Variants in CDH13 observed in about 807,000 individuals in gnomAD.
CDH13 encodes the protein cadherin 13.
In CDH13, 24 loss-of-function variants were observed where a neutral mutation model predicts 63.8. The ratio of observed to expected loss-of-function variants is 0.38; its 90% CI spans 0.27 to 0.53. CDH13 has a LOEUF of 0.53. CDH13 is among the 20% of genes least tolerant of loss of function. The pLI, the probability that CDH13 is intolerant of heterozygous loss-of-function variation, is 0.85. For synonymous variants in CDH13, 503 were observed against 355.3 expected (o/e 1.42, Z -4.67); for missense variants, 1,049 against 903.1 (o/e 1.16, Z -2.07).
intron 6 of CDH13, among the ~76,000 whole-genome samples, chr16:83,444,812 G>T (rs2072619896): frequency 1.3e-5 from 2 of 152,252 alleles, no homozygotes; most frequent in Non-Finnish European, 2.9e-5. Flanking sequence ...ATATTCTCAT[G>T]GTTGGTTTTG....
intron 4 of CDH13, among the ~76,000 whole-genome samples, chr16:83,155,267 G>T (rs1410387432): frequency 6.6e-6 from 1 of 150,974 alleles, no homozygotes; most frequent in African/African-American, 2.4e-5. Context: ...AGGTAGAAGA[G>T]TCATGTTCTA....
At chr16:83,274,127 C>A (rs2088911145) in intron 5 of CDH13, among the ~76,000 whole-genome samples, 1 of 152,176 alleles carries the variant, frequency 6.6e-6, no homozygotes, top group South Asian at 2.1e-4. Flanking sequence ...TCCTCCATCC[C>A]AACACCAAGG....
chr16:83,380,988 A>G (rs1265418977), intron 6 of CDH13, among the ~76,000 whole-genome samples: 10 of 151,974 alleles, frequency 6.6e-5, no homozygotes, highest in East Asian at 3.9e-4. Context: ...CTTCTTGTCT[A>G]TGTTTCTATA....
chr16:82,848,358 T>G (rs1449824668), intron 1 of CDH13, among the ~76,000 whole-genome samples: 2 of 152,220 alleles, frequency 1.3e-5, no homozygotes, highest in East Asian at 3.8e-4. Context: ...TAGTTGGGTA[T>G]GACAAGAATA....
chr16:83,241,495 C>G (rs142903443), intron 5 of CDH13, among the ~76,000 whole-genome samples: 1 of 152,264 alleles, frequency 6.6e-6, no homozygotes, highest in African/African-American at 2.4e-5. Flanking sequence ...AATACTTACT[C>G]TTTCTGTTTA....
At position 83,139,979 on chromosome 16, in the gene CDH13, G is replaced by A. The variant is rs553044768; in HGVS notation, c.483+14478G>A. Among the ~76,000 whole-genome samples the A allele has an allele frequency of 8.5e-4, 130 of 152,300 alleles. 1 individual carries two copies. Among genetic ancestry groups the A allele is most frequent in the African/African-American group, 3.1e-3 (127 of 41,570 alleles). Reference sequence around the variant, plus strand: ...ATCATACCATTACACTCCAGCCTGGGCAACAAGAGCAAAACTCCATCTATA... The same window carrying A: ...ATCATACCATTACACTCCAGCCTGGACAACAAGAGCAAAACTCCATCTATA... On this transcript the variant is annotated intron_variant, in intron 4 of 13. Coordinates refer to ENST00000567109, the MANE Select transcript of CDH13 (RefSeq NM_001257.5).
intron 13 of CDH13, among the ~76,000 whole-genome samples, chr16:83,787,804 G>A (rs13336361): frequency 0.024 from 3,587 of 152,200 alleles, 64 homozygotes; most frequent in Non-Finnish European, 0.039. Context: ...TTAGCCAGGC[G>A]TGGTGGCAAG....
rs1158270310 is a variant in CDH13, at chr16:83,216,397, AATATATATATATAT to A, written c.484-914_484-901del. Among the ~76,000 whole-genome samples the A allele has an allele frequency of 2.9e-3, 47 of 16,106 alleles. 2 individuals are homozygous for A. The highest frequency in any genetic ancestry group is 4.8e-3 in the African/African-American group (36 of 7,478). The allele number at this position is 16,106 out of a possible 152,430, so 10.6% of individuals were successfully genotyped here. Reference sequence around the variant, plus strand: ...TAATGTCCTCTGCCTCCAGCATTGAAATATATATATATATATATATATATATATATATATATATA... The same window carrying A: ...TAATGTCCTCTGCCTCCAGCATTGAAATATATATATATATATATATATATA... On this transcript the variant is annotated intron_variant, in intron 4 of 13. Transcript: ENST00000567109.
At chr16:83,066,230 G>A (rs544241188) in intron 3 of CDH13, among the ~76,000 whole-genome samples, 1 of 152,314 alleles carries the variant, frequency 6.6e-6, no homozygotes, top group South Asian at 2.1e-4. Flanking sequence ...CTCAACAAGT[G>A]ACTAAGCTCT....
intron 4 of CDH13, among the ~76,000 whole-genome samples, chr16:83,174,788 C>T (rs1423436308): frequency 6.6e-6 from 1 of 152,050 alleles, no homozygotes; most frequent in Non-Finnish European, 1.5e-5. Context: ...ACTTAACAAT[C>T]ATGGCAGAAT....
At chr16:83,550,132 T>C (rs543445454) in intron 7 of CDH13, among the ~76,000 whole-genome samples, 1 of 152,336 alleles carries the variant, frequency 6.6e-6, no homozygotes, top group Admixed American at 6.5e-5. Flanking sequence ...CAGGATGCAC[T>C]TTGCCAGGGG....
intron 1 of CDH13, among the ~76,000 whole-genome samples, chr16:82,842,147 T>TGTATATATATATATATATATAC (rs2039056857): frequency 4.7e-5 from 1 of 21,424 alleles, no homozygotes; most frequent in African/African-American, 1.2e-4. Flanking sequence ...TACACATATA[T>TGTATATATATATATATATATAC]ATATATATAT....
chr16:83,567,744 CGCCACCACGCCCG>C (rs955216838), intron 7 of CDH13, among the ~76,000 whole-genome samples: 12 of 152,148 alleles, frequency 7.9e-5, no homozygotes, highest in African/African-American at 2.4e-4. Context: ...TACAGGCGCC[CGCCACCACGCCCG>C]GCTAATTTTT....
chr16:83,126,561 G>T (rs775063945), intron 4 of CDH13, among the ~76,000 whole-genome samples: 1 of 152,184 alleles, frequency 6.6e-6, no homozygotes, highest in Non-Finnish European at 1.5e-5. Flanking sequence ...ATAAGAAAGA[G>T]ATGTGAGTCA....
intron 1 of CDH13, among the ~76,000 whole-genome samples, chr16:82,776,685 G>A (rs569208500): frequency 5.3e-5 from 8 of 152,300 alleles, no homozygotes; most frequent in Admixed American, 5.2e-4. Flanking sequence ...TTGACTGTGG[G>A]TTCGGTTTTC....
intron 4 of CDH13, among the ~76,000 whole-genome samples, chr16:83,209,354 C>T (rs4597305): frequency 0.9 from 137,044 of 152,124 alleles, 62,519 homozygotes; most frequent in East Asian, 0.97. Flanking sequence ...TCGGCCACTC[C>T]CAGATTTCCT....
intron 4 of CDH13, among the ~76,000 whole-genome samples, chr16:83,162,394 T>C (rs1000621569): frequency 2.6e-5 from 4 of 152,188 alleles, no homozygotes; most frequent in East Asian, 3.9e-4. Flanking sequence ...GACCATTTTA[T>C]TGTAGACATT....
intron 1 of CDH13, among the ~76,000 whole-genome samples, chr16:82,691,901 A>C (rs1008409125): frequency 6.6e-6 from 1 of 152,140 alleles, no homozygotes; most frequent in Non-Finnish European, 1.5e-5. Context: ...AGACCTCATG[A>C]ATCAGAAAAG....
intron 1 of CDH13, chr16:82,705,284 C>T: frequency 2.6e-6 from 1 of 385,250 alleles, no homozygotes. Context: ...GGTGAGATGT[C>T]CAATATATTC....
Sources: allele counts gnomAD v4.1 joint callset (sites outside exome capture counted in the v4.1 genomes callset), GRCh38; gene constraint gnomAD v4.1.1; transcripts MANE v1.5; gene names NCBI Gene and HGNC (gene_info 2026-07-23, HGNC 2026-07-21).